The following PTPRC variants were observed in gnomAD, a reference collection of about 807,000 sequenced individuals.
PTPRC encodes the protein receptor-type tyrosine-protein phosphatase C.
A neutral mutation model predicts 155.9 loss-of-function variants in PTPRC; 44 were observed. That is an observed-to-expected ratio of 0.28 (90% CI 0.22 to 0.36). The LOEUF is 0.36. Ranked by LOEUF, PTPRC falls within the 10% of genes least tolerant of loss-of-function variation. The probability of loss-of-function intolerance (pLI) is 1.00; values close to 1 mark genes in which losing one functional copy is unlikely to be tolerated. For missense variants in PTPRC, 1,401 were observed against 1,564.6 expected, an observed-to-expected ratio of 0.90 and a Z score of 1.76; for synonymous variants, 525 against 533.1, an observed-to-expected ratio of 0.98 and a Z score of 0.21.
At chr1:198,693,884 G>A in intron 3 of PTPRC, 1 of 1,125,326 alleles carries the variant, frequency 8.9e-7, no homozygotes, top group Non-Finnish European at 1.2e-6. Flanking sequence ...CTTTAGGAAT[G>A]CTACTCATCA....
intron 2 of PTPRC, among the ~76,000 whole-genome samples, chr1:198,678,593 G>T (rs927140534): frequency 2.0e-5 from 3 of 152,082 alleles, no homozygotes; most frequent in Non-Finnish European, 4.4e-5. Context: ...AGATACTGAC[G>T]CCTATTAAGG....
At chr1:198,695,325 T>C (rs768394060) in intron 3 of PTPRC, among the ~76,000 whole-genome samples, 3 of 151,736 alleles carry the variant, frequency 2.0e-5, no homozygotes, top group Admixed American at 6.6e-5. Context: ...GTTGAACTGA[T>C]TTAATTATTT....
At chr1:198,680,056 G>A (rs1279016196) in intron 2 of PTPRC, 2 of 484,822 alleles carry the variant, frequency 4.1e-6, no homozygotes, top group East Asian at 3.5e-5. Context: ...GTGCAAGAAC[G>A]CAGCGCGCAG....
Position 198,718,752 on chromosome 1 carries a change from CATT to C in PTPRC, c.1659+453_1659+455del, listed in dbSNP as rs376826693. 2.7e-3 allele frequency among the ~76,000 whole-genome samples: 416 copies of C among 152,226 alleles called. 2 individuals carry two copies. The highest frequency in any genetic ancestry group is 8.3e-3 in the African/African-American group (343 of 41,558). On this transcript the variant is annotated intron_variant, in intron 14 of 32. Transcript: ENST00000442510. ...GTGAGCATACAGAATTTAAAACACTCATTATCTCACTGTCTACTGATCGTATTT... is the reference window on the plus strand; with the variant it reads ...GTGAGCATACAGAATTTAAAACACTCATCTCACTGTCTACTGATCGTATTT...
At chr1:198,702,827 C>T (rs968419667) in intron 6 of PTPRC, among the ~76,000 whole-genome samples, 8 of 152,164 alleles carry the variant, frequency 5.3e-5, no homozygotes, top group South Asian at 4.1e-4. Flanking sequence ...TAGCTGATTA[C>T]AGGGCAAATT....
At chr1:198,667,934 A>T (rs1664414131) in intron 2 of PTPRC, among the ~76,000 whole-genome samples, 2 of 152,258 alleles carry the variant, frequency 1.3e-5, no homozygotes, top group Non-Finnish European at 1.5e-5. Flanking sequence ...GTAGGCAATC[A>T]GTCATATTTC....
intron 4 of PTPRC, 51 bp from the exon 5 acceptor site, chr1:198,699,500 CTTAGTAAATTATT>C: frequency 6.3e-7 from 1 of 1,589,464 alleles, no homozygotes; most frequent in Admixed American, 1.7e-5. Flanking sequence ...CTTATAACCT[CTTAGTAAATTATT>C]CATCTCCAGT....
chr1:198,649,815 GA>G (rs1233114445), intron 2 of PTPRC, among the ~76,000 whole-genome samples: 1 of 151,994 alleles, frequency 6.6e-6, no homozygotes, highest in East Asian at 1.9e-4. Flanking sequence ...TTATGAAACT[GA>G]CTTCCTAGTG....
chr1:198,754,470 T>G, intron 32 of PTPRC, 66 bp downstream of exon 32: 2 of 1,571,962 alleles, frequency 1.3e-6, no homozygotes, highest in Non-Finnish European at 1.7e-6. Flanking sequence ...ACGGTTTCCT[T>G]TTTTCTTTTC....
chr1:198,686,188 C>A (rs1665614223), intron 2 of PTPRC, among the ~76,000 whole-genome samples: 1 of 151,994 alleles, frequency 6.6e-6, no homozygotes, highest in Non-Finnish European at 1.5e-5. Context: ...AATAACACAG[C>A]TTTGAAGATC....
rs1175991252 is a variant in PTPRC, at chr1:198,757,148, T to G, written c.*967T>G. The G allele has an allele frequency of 6.6e-6, 1 of 151,872 alleles. No individual in the cohort carries two copies. The highest frequency in any genetic ancestry group is 1.5e-5 in the Non-Finnish European group (1 of 67,814). 9.4% of individuals were successfully genotyped at this position (151,872 alleles called of 1,614,324 possible). A position where few individuals can be genotyped will look rare whatever the true frequency, so the allele number is the denominator to read the frequency against. Reference sequence around the variant, plus strand: ...AAAATATGATATTGCATATGCATAGTTCCCATGTTAAATCCCATTCATAAC... The same window carrying G: ...AAAATATGATATTGCATATGCATAGGTCCCATGTTAAATCCCATTCATAAC... On this transcript the variant is annotated 3_prime_UTR_variant, in exon 33 of 33. Coordinates refer to ENST00000442510, the MANE Select transcript of PTPRC (RefSeq NM_002838.5).
Position 198,755,934 on chromosome 1 carries a change from T to C in PTPRC, c.3674T>C (p.Ile1225Thr), listed in dbSNP as rs778207793. ...FEQYQFLYDV[I>T]ASTYPAQNGQ... ...CAATATCAATTCCTATATGACGTCA[T>C]TGCCAGCACCTACCCTGCTCAGAAT... Residue 1225 changes from isoleucine to threonine, a missense_variant, in exon 33 of 33, where the codon ATT becomes ACT. Ile to Thr is a moderately conservative substitution (Grantham distance 89). Around this residue, in one of 3 missense-constraint regions of PTPRC, gnomAD observed 400 missense variants for 389.5 expected, o/e 1.03. Coordinates refer to ENST00000442510, the MANE Select transcript of PTPRC (RefSeq NM_002838.5). 9.3e-6 allele frequency: 15 copies of C among 1,612,276 alleles called. No homozygotes were observed. Among genetic ancestry groups the C allele is most frequent in the Middle Eastern group, 1.7e-4 (1 of 6,050 alleles).
intron 4 of PTPRC, among the ~76,000 whole-genome samples, chr1:198,698,261 T>G (rs12122487): frequency 0.015 from 2,247 of 152,328 alleles, 21 homozygotes; most frequent in Non-Finnish European, 0.016. Flanking sequence ...GTTGAATAGA[T>G]TGAAAATAAG....
intron 2 of PTPRC, among the ~76,000 whole-genome samples, chr1:198,677,632 T>C (rs1665033310): frequency 6.6e-6 from 1 of 152,138 alleles, no homozygotes; most frequent in Non-Finnish European, 1.5e-5. Flanking sequence ...CTATTGCACT[T>C]ACACATTGTA....
intron 2 of PTPRC, among the ~76,000 whole-genome samples, chr1:198,652,361 A>G (rs1473164284): frequency 6.6e-6 from 1 of 151,858 alleles, no homozygotes; most frequent in East Asian, 1.9e-4. Context: ...ACACTGTATT[A>G]GTGTGTGAGA....
chr1:198,725,303 G>A (rs115616979), intron 15 of PTPRC, among the ~76,000 whole-genome samples: 290 of 152,238 alleles, frequency 1.9e-3, no homozygotes, highest in Middle Eastern at 3.4e-3. Context: ...CTTATTGGTA[G>A]TCTAGTCATA....
In PTPRC at chr1:198,734,092, A is replaced by G; in HGVS notation, c.2143-104A>G. On this transcript the variant is annotated intron_variant, in intron 20 of 32. Transcript: ENST00000442510. The stretch of plus-strand genomic sequence containing the variant: ...AAACTGCCCAGAGAAATTCACAATC[A>G]CAAAATGATGGATCTGAAGCAATTC... 1.8e-6 allele frequency: 2 copies of G among 1,118,970 alleles called. 1 individual carries two copies. Among genetic ancestry groups the G allele is most frequent in the Non-Finnish European group, 2.7e-6 (2 of 751,996 alleles). The allele number at this position is 1,118,970 out of a possible 1,614,324, so 69.3% of individuals were successfully genotyped here.
Position 198,756,536 on chromosome 1 carries a change from T to TA in PTPRC, c.*356dup, listed in dbSNP as rs375767308. 9.4e-4 allele frequency: 193 copies of TA among 204,794 alleles called. 2 individuals carry two copies. Among genetic ancestry groups the TA allele is most frequent in the African/African-American group, 4.3e-3 (182 of 42,380 alleles). 12.7% of individuals were successfully genotyped at this position (204,794 alleles called of 1,614,324 possible). ...AAAGCTTTTGCTTTTCCTTTGTTTT[T>TA]ATGAAGAAAAAATACATTTTATATT... On this transcript the variant is annotated 3_prime_UTR_variant, in exon 33 of 33. Coordinates refer to ENST00000442510, the MANE Select transcript of PTPRC (RefSeq NM_002838.5).
chr1:198,663,459 G>A (rs1664097947), intron 2 of PTPRC, among the ~76,000 whole-genome samples: 1 of 152,196 alleles, frequency 6.6e-6, no homozygotes, highest in South Asian at 2.1e-4. Context: ...AAGCAATCTT[G>A]AGCCTGAATA....
Sources: allele counts gnomAD v4.1 joint callset (sites outside exome capture counted in the v4.1 genomes callset), GRCh38; gene constraint gnomAD v4.1.1; regional missense constraint gnomAD v4.1.1; transcripts MANE v1.5; gene names NCBI Gene and HGNC (gene_info 2026-07-23, HGNC 2026-07-21).